Variants in PI16 observed in about 807,000 individuals in gnomAD.
PI16 encodes peptidase inhibitor 16, also known as PSP94-binding protein.
PI16 carries 35 observed loss-of-function variants against 38.0 expected under a neutral mutation model. That is an observed-to-expected ratio of 0.92 (90% CI 0.70 to 1.22). The LOEUF (loss-of-function observed/expected upper bound fraction) is 1.22. Ranked by LOEUF, PI16 falls within the 50% of genes most tolerant of loss-of-function variation. PI16 has a pLI of 0.00. For synonymous variants in PI16, 275 were observed against 252.9 expected, an observed-to-expected ratio of 1.09 and a Z score of -0.83; for missense variants, 572 against 593.8, an observed-to-expected ratio of 0.96 and a Z score of 0.38.
chr6:36,952,925 C>T (rs978770802), upstream of PI16, among the ~76,000 whole-genome samples: 1 of 152,142 alleles, frequency 6.6e-6, no homozygotes, highest in African/African-American at 2.4e-5. Flanking sequence ...TCTTCTAATC[C>T]ATGAATATAG....
rs564220217 is a variant in PI16 at position 36,962,222 on chromosome 6, G to T, written c.592+248G>T. Among the ~76,000 whole-genome samples, 144 of 152,298 alleles carry T rather than the reference G, an allele frequency of 9.5e-4. No homozygotes were observed. Among genetic ancestry groups the T allele is most frequent in the African/African-American group, 3.2e-3 (133 of 41,568 alleles). On this transcript the variant is annotated intron_variant, in intron 4 of 6. Transcript: ENST00000373674. The surrounding 1 kb of genome is among the most constrained non-coding windows in gnomAD (Gnocchi z 4.1). Reference sequence around the variant, plus strand: ...ATGTTAGAAAGTCTGGCGGCTTCGGGGGGGCCCGCGCGAGGTGGGTGTCGC... The same window carrying T: ...ATGTTAGAAAGTCTGGCGGCTTCGGTGGGGCCCGCGCGAGGTGGGTGTCGC...
chr6:36,961,133 C>CT, intron 2 of PI16, among the ~76,000 whole-genome samples: 1 of 152,224 alleles, frequency 6.6e-6, no homozygotes, highest in African/African-American at 2.4e-5. Flanking sequence ...GCCTCTAGGC[C>CT]TTTTTTTCTA....
At position 36,957,459 on chromosome 6, in the gene PI16, T is replaced by G. The variant is rs182967249; in HGVS notation, c.172-1686T>G. Among the ~76,000 whole-genome samples, 120 of 152,326 alleles carry G rather than the reference T, an allele frequency of 7.9e-4. No homozygotes were observed. In the Middle Eastern group the frequency reaches 0.014, roughly 17 times the overall value. ...TGTGGCACATCTGTCATTTACCATG[T>G]GGTGGCCCAAATGACTTTTATGTCA... is the stretch of plus-strand genomic sequence containing the variant. On this transcript the variant is annotated intron_variant, in intron 1 of 6. Coordinates refer to ENST00000373674, the MANE Select transcript of PI16 (RefSeq NM_153370.3).
At chr6:36,958,266 CA>C (rs1763257109) in intron 1 of PI16, among the ~76,000 whole-genome samples, 1 of 152,240 alleles carries the variant, frequency 6.6e-6, no homozygotes, top group African/African-American at 2.4e-5. Flanking sequence ...AAGCCAAGGA[CA>C]GCGTTTAATG....
Position 36,962,219 on chromosome 6 carries a change from C to CG in PI16, c.592+252dup, listed in dbSNP as rs989149164. ...AGGATGTTAGAAAGTCTGGCGGCTT[C>CG]GGGGGGGCCCGCGCGAGGTGGGTGT... is the stretch of plus-strand genomic sequence containing the variant. On this transcript the variant is annotated intron_variant, in intron 4 of 6. Transcript: ENST00000373674. The surrounding 1 kb of genome is among the most constrained non-coding windows in gnomAD (Gnocchi z 4.1). 3.9e-5 allele frequency among the ~76,000 whole-genome samples: 6 copies of CG among 152,000 alleles called. No homozygotes were observed. The highest frequency in any genetic ancestry group is 8.8e-5 in the Non-Finnish European group (6 of 67,980).
Position 36,959,215 on chromosome 6 carries a change from A to G in PI16, c.242A>G (p.Glu81Gly). Residue 81 changes from glutamate (E) to glycine (G), a missense_variant, in exon 2 of 7, where the codon GAG becomes GGG. By Grantham distance (98) the Glu-to-Gly change is moderately conservative. Transcript: ENST00000373674. ...CAGTGCGTGTGGGGCCACAACAAGG[A>G]GCGCGGGCGCCGCGGCGAGAATCTG... ...ARQCVWGHNK[E>G]RGRRGENLFA... is the part of the protein sequence containing the mutation. 2 of 1,610,994 alleles carry G rather than the reference A, an allele frequency of 1.2e-6. No individual in the cohort carries two copies. Among genetic ancestry groups the G allele is most frequent in the Non-Finnish European group, 1.7e-6 (2 of 1,179,144 alleles).
intron 1 of PI16, among the ~76,000 whole-genome samples, chr6:36,958,144 C>A (rs1289348061): frequency 6.6e-6 from 1 of 152,218 alleles, no homozygotes; most frequent in Non-Finnish European, 1.5e-5. Flanking sequence ...CAGCCACCTC[C>A]CCTCAGGGTC....
intron 2 of PI16, among the ~76,000 whole-genome samples, chr6:36,960,325 ATG>A (rs10664545): frequency 0.19 from 26,558 of 139,712 alleles, 2,455 homozygotes; most frequent in South Asian, 0.22. Flanking sequence ...TGCAGATAAG[ATG>A]TGTGTGTGTG....
At position 36,962,080 on chromosome 6, in the gene PI16, G is replaced by T; in HGVS notation, c.592+106G>T. The T allele has an allele frequency of 1.1e-6, 1 of 929,552 alleles. No individual in the cohort carries two copies. The allele number at this position is 929,552 out of a possible 1,614,324, so 57.6% of individuals were successfully genotyped here. On this transcript the variant is annotated intron_variant, in intron 4 of 6. Transcript: ENST00000373674. The surrounding 1 kb of genome is among the most constrained non-coding windows in gnomAD (Gnocchi z 4.1). Reference sequence around the variant, plus strand: ...GACTGAGCGGGACGTGGGCAGGGAAGGAGCCTGGTGGGATGCGACCACCGG... The same window carrying T: ...GACTGAGCGGGACGTGGGCAGGGAATGAGCCTGGTGGGATGCGACCACCGG...
At chr6:36,960,783 A>C (rs532472234) in intron 2 of PI16, among the ~76,000 whole-genome samples, 2 of 152,220 alleles carry the variant, frequency 1.3e-5, no homozygotes, top group East Asian at 1.9e-4. Flanking sequence ...TTCTGCCCAG[A>C]AGGTGCTCAA....
rs144066344 is a variant in PI16, at chr6:36,961,519, G to A, written c.462G>A (p.Glu154=). The change falls in exon 3 of 7, where the codon GAG becomes GAA. Residue 154 remains glutamate (E), a synonymous_variant. Coordinates refer to ENST00000373674, the MANE Select transcript of PI16 (RefSeq NM_153370.3). The stretch of plus-strand genomic sequence containing the variant: ...TCTGTGAGAAGCTCCAGGGTGTTGA[G>A]GAGACCAACATCGAATTACTGGTGT... ...SHFCEKLQGV[E]ETNIELLVCN... 27 of 1,614,208 alleles carry A rather than the reference G, an allele frequency of 1.7e-5. No homozygotes were observed. In the African/African-American group the frequency reaches 1.9e-4, roughly 11 times the overall value.
Position 36,954,936 on chromosome 6 carries a change from G to A in PI16, c.171+5G>A, listed in dbSNP as rs1445627454. The A allele has an allele frequency of 1.2e-6, 2 of 1,612,026 alleles. No individual in the cohort carries two copies. Among genetic ancestry groups the A allele is most frequent in the South Asian group, 1.1e-5 (1 of 90,924 alleles). On this transcript the variant is annotated splice_donor_5th_base_variant and intron_variant, in intron 1 of 6. Coordinates refer to ENST00000373674, the MANE Select transcript of PI16 (RefSeq NM_153370.3). ...GCCTCAGACATGCTGCACATGGTAA[G>A]TGTGGCCACGGCCCTTGCTGGCTGG... is the stretch of plus-strand genomic sequence containing the variant.
upstream of PI16, among the ~76,000 whole-genome samples, chr6:36,951,697 G>A (rs761872383): frequency 5.9e-5 from 9 of 152,132 alleles, no homozygotes; most frequent in Non-Finnish European, 1.3e-4. Context: ...TCAGGAGTTT[G>A]AGACCAGCCT....
In PI16 at chr6:36,962,887, T is replaced by G; in HGVS notation, c.593-48T>G. 1 of 1,504,968 alleles carries G rather than the reference T, an allele frequency of 6.6e-7. No individual in the cohort carries two copies. The highest frequency in any genetic ancestry group is 9.0e-7 in the Non-Finnish European group (1 of 1,107,548). 93.2% of individuals were successfully genotyped at this position (1,504,968 alleles called of 1,614,324 possible). The stretch of plus-strand genomic sequence containing the variant: ...TTGGTTTGCAGTGCCATGAGAGATG[T>G]GGGGTCCTGCTTGCAGCACTCATGC... On this transcript the variant is annotated intron_variant, in intron 4 of 6. Coordinates refer to ENST00000373674, the MANE Select transcript of PI16 (RefSeq NM_153370.3). This position sits in a 1 kb window ranked among gnomAD's most constrained non-coding sequence, Gnocchi z 4.1.
upstream of PI16, among the ~76,000 whole-genome samples, chr6:36,953,934 A>C (rs1399779194): frequency 2.0e-5 from 3 of 152,270 alleles, no homozygotes; most frequent in Admixed American, 1.3e-4. Flanking sequence ...CCAAATGAGC[A>C]TGTCAAGCAC....
rs974531475 is a variant in PI16 at position 36,961,935 on chromosome 6, C to A, written c.553C>A (p.Gln185Lys). The A allele has an allele frequency of 2.5e-6, 4 of 1,614,040 alleles. No individual in the cohort carries two copies. Among genetic ancestry groups the A allele is most frequent in the Non-Finnish European group, 3.4e-6 (4 of 1,180,008 alleles). Reference sequence around the variant, plus strand: ...CTACCAGGAGGGGACTCCGTGCTCCCAATGTCCCTCTGGCTACCACTGCAA... The same window carrying A: ...CTACCAGGAGGGGACTCCGTGCTCCAAATGTCCCTCTGGCTACCACTGCAA... The part of the protein sequence containing the change: ...RPYQEGTPCS[Q>K]CPSGYHCKNS... The change falls in exon 4 of 7, where the codon CAA becomes AAA. Residue 185 changes from glutamine (Q) to lysine (K), a missense_variant. Transcript: ENST00000373674.
At position 36,959,385 on chromosome 6, in the gene PI16, A is replaced by T; in HGVS notation, c.393+19A>T. On this transcript the variant is annotated intron_variant, in intron 2 of 6. Transcript: ENST00000373674. ...CACGCAGGTGTGGGCCCGGCGGGCG[A>T]GGCGGGGCGGAGCCTCGCGGCGTGG... The T allele has an allele frequency of 6.5e-7, 1 of 1,538,780 alleles. No individual in the cohort carries two copies. Among genetic ancestry groups the T allele is most frequent in the South Asian group, 1.2e-5 (1 of 83,516 alleles).
intron 1 of PI16, among the ~76,000 whole-genome samples, chr6:36,957,915 G>C (rs568902474): frequency 9.2e-5 from 14 of 152,342 alleles, no homozygotes; most frequent in Admixed American, 2.6e-4. Context: ...CCCTGACCCT[G>C]GCCCCCAGCG....
intron 1 of PI16, among the ~76,000 whole-genome samples, chr6:36,955,718 G>A (rs944105495): frequency 7.9e-5 from 12 of 152,194 alleles, no homozygotes; most frequent in Non-Finnish European, 1.8e-4. Flanking sequence ...TTATGTCCTG[G>A]TGAAACACGC....
Sources: allele counts gnomAD v4.1 joint callset (sites outside exome capture counted in the v4.1 genomes callset), GRCh38; gene constraint gnomAD v4.1.1; non-coding constraint Gnocchi (gnomAD v3.1); transcripts MANE v1.5; gene names NCBI Gene and HGNC (gene_info 2026-07-23, HGNC 2026-07-21).